Variants in EPRS1 observed in about 807,000 individuals in gnomAD.
The protein encoded by EPRS1 is glutamyl-prolyl-tRNA synthetase 1, also known as bifunctional glutamate/proline--tRNA ligase.
A neutral mutation model predicts 188.3 loss-of-function variants in EPRS1; 107 were observed. The ratio of observed to expected loss-of-function variants is 0.57; its 90% CI spans 0.49 to 0.67. EPRS1 has a LOEUF of 0.67. Ranked by LOEUF, EPRS1 falls within the 30% of genes least tolerant of loss-of-function variation. The pLI is 0.00. For missense variants in EPRS1, 1,577 were observed against 1,802.2 expected (o/e 0.88, Z 2.26); for synonymous variants, 596 against 593.1 (o/e 1.00, Z -0.07).
chr1:220,039,576 T>C (rs1662254355), intron 2 of EPRS1, among the ~76,000 whole-genome samples: 3 of 151,462 alleles, frequency 2.0e-5, no homozygotes, highest in South Asian at 4.2e-4. Flanking sequence ...TGGAGTGCAG[T>C]GGCGCGTTCT....
intron 18 of EPRS1, among the ~76,000 whole-genome samples, chr1:219,992,886 T>C (rs1381696270): frequency 6.6e-6 from 1 of 152,038 alleles, no homozygotes; most frequent in Non-Finnish European, 1.5e-5. Flanking sequence ...ACCATTGCAC[T>C]CCAGCCTGGG....
At chr1:220,009,782 A>G (rs566080759) in intron 13 of EPRS1, among the ~76,000 whole-genome samples, 1 of 152,132 alleles carries the variant, frequency 6.6e-6, no homozygotes, top group South Asian at 2.1e-4. Context: ...AAAGTACTCT[A>G]TGGTACTTGT....
intron 28 of EPRS1, 98 bp downstream of exon 28, chr1:219,978,448 G>A: frequency 1.1e-6 from 1 of 881,896 alleles, no homozygotes; most frequent in Non-Finnish European, 1.7e-6. Flanking sequence ...CAAAATAGAG[G>A]AAAGTAATGA....
intron 18 of EPRS1, among the ~76,000 whole-genome samples, chr1:219,989,406 G>A (rs1275398509): frequency 6.6e-6 from 1 of 151,138 alleles, no homozygotes; most frequent in Non-Finnish European, 1.5e-5. Flanking sequence ...CGAGACACTT[G>A]TGACTCTCTA....
intron 12 of EPRS1, among the ~76,000 whole-genome samples, chr1:220,012,976 A>G (rs998781756): frequency 3.9e-5 from 6 of 152,236 alleles, no homozygotes; most frequent in Non-Finnish European, 7.3e-5. Context: ...AAGTCTCTAC[A>G]TACTTTATTA....
At position 219,997,286 on chromosome 1, in the gene EPRS1, T is replaced by C. The variant is rs1661255407; in HGVS notation, c.2238A>G (p.Thr746=). 2 of 1,613,368 alleles carry C rather than the reference T, an allele frequency of 1.2e-6. No homozygotes were observed. The highest frequency in any genetic ancestry group is 2.2e-5 in the South Asian group (2 of 90,976). Residue 746 remains threonine, a synonymous_variant, in exon 18 of 32, where the codon ACA becomes ACG. Transcript: ENST00000366923. ...TGTAAAGGACCAAGGAATCCTCAGA[T>C]GTAGTACAATTATTATTCAGAGAAG... is the stretch of plus-strand genomic sequence containing the variant. ...PTPSLNNNCT[T]SEDSLVLYNR...
intron 2 of EPRS1, among the ~76,000 whole-genome samples, chr1:220,039,808 G>A (rs866393336): frequency 2.0e-5 from 3 of 152,150 alleles, no homozygotes; most frequent in Admixed American, 1.3e-4. Flanking sequence ...GTGAGCCACC[G>A]CGCCCGGCGA....
intron 3 of EPRS1, 84 bp from the exon 4 acceptor site, chr1:220,033,742 T>G: frequency 3.3e-6 from 3 of 911,552 alleles, no homozygotes; most frequent in Non-Finnish European, 5.3e-6. Context: ...TCTAGTTAAC[T>G]AGAGCAACAG....
Position 219,969,653 on chromosome 1 carries a change from G to GA in EPRS1, c.4324-532dup, listed in dbSNP as rs71560594. On this transcript the variant is annotated intron_variant, in intron 30 of 31. Transcript: ENST00000366923. The stretch of plus-strand genomic sequence containing the variant: ...AAGTCCTAAAATCATTTTGTGTAAG[G>GA]AAAAAAAAAAAAACCTTTCAATTTT... Among the ~76,000 whole-genome samples the GA allele has an allele frequency of 2.4e-3, 338 of 141,794 alleles. 1 individual carries two copies. Among genetic ancestry groups the GA allele is most frequent in the African/African-American group, 5.4e-3 (208 of 38,532 alleles). The allele number at this position is 141,794 out of a possible 152,430, so 93.0% of individuals were successfully genotyped here. A position where few individuals can be genotyped will look rare whatever the true frequency, so the allele number is the denominator to read the frequency against.
In EPRS1 at chr1:220,019,084, A is replaced by G; in HGVS notation, c.1350-5T>C. On this transcript the variant is annotated splice_region_variant and splice_polypyrimidine_tract_variant and intron_variant, in intron 10 of 31. Transcript: ENST00000366923. The stretch of plus-strand genomic sequence containing the variant: ...GTAGGAAATCTTGGGTCATCCCTGG[A>G]AATATGTAAATTTTAAGTACCAAGG... 6.3e-7 allele frequency: 1 copy of G among 1,598,470 alleles called. No individual in the cohort carries two copies. The highest frequency in any genetic ancestry group is 8.6e-7 in the Non-Finnish European group (1 of 1,166,106).
In EPRS1 at chr1:219,987,216, G is replaced by C. The variant is rs1208436187; in HGVS notation, c.2964C>G (p.Asp988Glu). The stretch of plus-strand genomic sequence containing the variant: ...GCCCACCTCCTTGGTTTTTAGAAGG[G>C]TCTTTCCTTTGGCCATCATTTTGTT... ...PQKQNDGQRK[D>E]PSKNQGGGLS... Residue 988 changes from aspartate (D) to glutamate (E), a missense_variant, in exon 20 of 32, where the codon GAC becomes GAG. Asp to Glu is a conservative substitution (Grantham distance 45). Coordinates refer to ENST00000366923, the MANE Select transcript of EPRS1 (RefSeq NM_004446.3). 5 of 1,613,908 alleles carry C rather than the reference G, an allele frequency of 3.1e-6. No homozygotes were observed. Among genetic ancestry groups the C allele is most frequent in the African/African-American group, 1.3e-5 (1 of 74,880 alleles).
intron 17 of EPRS1, among the ~76,000 whole-genome samples, chr1:219,998,037 T>A (rs2795314): frequency 6.6e-6 from 1 of 152,022 alleles, no homozygotes; most frequent in African/African-American, 2.4e-5. Context: ...AAGATACTAT[T>A]TTTATTCATG....
At chr1:219,976,361 A>C (rs1489471229) in intron 28 of EPRS1, among the ~76,000 whole-genome samples, 6 of 152,238 alleles carry the variant, frequency 3.9e-5, no homozygotes, top group Admixed American at 2.6e-4. Context: ...ATTCTGAACT[A>C]GGTCATTCTG....
At chr1:220,032,351 GT>G (rs1553254086) in intron 5 of EPRS1, 35 bp downstream of exon 5, 10,263 of 1,143,754 alleles carry the variant, frequency 9.0e-3, no homozygotes, top group Admixed American at 0.012. Flanking sequence ...CTCCCAAAGT[GT>G]TTTTTTTTTT....
At chr1:219,992,193 T>A (rs1012497555) in intron 18 of EPRS1, among the ~76,000 whole-genome samples, 1 of 152,126 alleles carries the variant, frequency 6.6e-6, no homozygotes, top group Non-Finnish European at 1.5e-5. Context: ...TGATAAACTG[T>A]GGTTTGGGTT....
intron 1 of EPRS1, among the ~76,000 whole-genome samples, chr1:220,042,737 T>C (rs1662321643): frequency 6.6e-6 from 1 of 150,932 alleles, no homozygotes; most frequent in Non-Finnish European, 1.5e-5. Flanking sequence ...CTGGACAACA[T>C]GGTGAAACTC....
At chr1:219,979,391 A>T (rs778593873) in intron 27 of EPRS1, 27 bp downstream of exon 27, 1 of 1,515,178 alleles carries the variant, frequency 6.6e-7, no homozygotes, top group South Asian at 1.2e-5. Flanking sequence ...TTATAAAATG[A>T]GTGATAAACA....
chr1:220,005,311 C>CTGA lies in EPRS1; in HGVS notation c.1999_2000insTCA (p.Gly667delinsValArg). The CTGA allele has an allele frequency of 6.2e-7, 1 of 1,601,234 alleles. No homozygotes were observed. The highest frequency in any genetic ancestry group is 8.5e-7 in the Non-Finnish European group (1 of 1,173,660). On this transcript the variant is annotated protein_altering_variant, in exon 16 of 32. Coordinates refer to ENST00000366923, the MANE Select transcript of EPRS1 (RefSeq NM_004446.3). ...TCTTCTCTGGAGTTGTATAATATCT[C>CTGA]CTTTTTTCAAATCCTTAAGGCAGGG...
rs749987495 is a variant in EPRS1, at chr1:219,997,352, G to A, written c.2182-10C>T. On this transcript the variant is annotated splice_polypyrimidine_tract_variant and intron_variant, in intron 17 of 31. Coordinates refer to ENST00000366923, the MANE Select transcript of EPRS1 (RefSeq NM_004446.3). The stretch of plus-strand genomic sequence containing the variant: ...TAAAAGGAGCAGAGGTCTACCAAGA[G>A]AGAAAACCAAAAGTAAAATAATTAA... The A allele has an allele frequency of 1.3e-6, 2 of 1,537,562 alleles. No individual in the cohort carries two copies. Among genetic ancestry groups the A allele is most frequent in the Non-Finnish European group, 1.7e-6 (2 of 1,146,662 alleles).
Sources: allele counts gnomAD v4.1 joint callset (sites outside exome capture counted in the v4.1 genomes callset), GRCh38; gene constraint gnomAD v4.1.1; transcripts MANE v1.5; gene names NCBI Gene and HGNC (gene_info 2026-07-23, HGNC 2026-07-21).